The following SEMA3E variants were observed in gnomAD, a reference collection of about 807,000 sequenced individuals.
The protein encoded by SEMA3E is semaphorin-3E.
SEMA3E carries 49 observed loss-of-function variants against 93.6 expected under a neutral mutation model. That is an observed-to-expected ratio of 0.52 (90% CI 0.42 to 0.66). The LOEUF (loss-of-function observed/expected upper bound fraction) is 0.66. SEMA3E is among the 30% of genes least tolerant of loss of function. The pLI is 0.00. For synonymous variants in SEMA3E, 363 were observed against 330.7 expected (o/e 1.10, Z -1.06); for missense variants, 906 against 964.8 (o/e 0.94, Z 0.81).
At position 83,499,260 on chromosome 7, in the gene SEMA3E, C is replaced by T. The variant is rs142191325; in HGVS notation, c.116-8986G>A. On this transcript the variant is annotated intron_variant, in intron 1 of 16. Transcript: ENST00000643230. The stretch of plus-strand genomic sequence containing the variant: ...AAGATAAATTTTAAAGTGGAATTAC[C>T]GGGTCAAAAGCATTTGTAATTTTAA... 2.1e-3 allele frequency among the ~76,000 whole-genome samples: 313 copies of T among 152,144 alleles called. 1 individual carries two copies. The highest frequency in any genetic ancestry group is 6.9e-3 in the African/African-American group (287 of 41,510).
At chr7:83,369,794 A>C (rs1794726880) in intron 16 of SEMA3E, among the ~76,000 whole-genome samples, 1 of 152,104 alleles carries the variant, frequency 6.6e-6, no homozygotes. Flanking sequence ...CTGCTTGTTT[A>C]CTCATGCCTC....
chr7:83,501,399 G>A lies in SEMA3E; in HGVS notation c.116-11125C>T, dbSNP rs79260868. ...GTTATAGAACTAATGTATTCTCTAC[G>A]ATCTGTATTTTTAACTGAAGTCATG... On this transcript the variant is annotated intron_variant, in intron 1 of 16. Coordinates refer to ENST00000643230, the MANE Select transcript of SEMA3E (RefSeq NM_012431.3). Among the ~76,000 whole-genome samples, 672 of 152,172 alleles carry A rather than the reference G, an allele frequency of 4.4e-3. 8 individuals are homozygous for A. Among genetic ancestry groups the A allele is most frequent in the African/African-American group, 0.016 (650 of 41,536 alleles).
chr7:83,431,356 T>C (rs1428121994), intron 4 of SEMA3E, among the ~76,000 whole-genome samples: 1 of 149,144 alleles, frequency 6.7e-6, no homozygotes, highest in Non-Finnish European at 1.5e-5. Context: ...TAGAAAAAAA[T>C]AAATATAAAT....
chr7:83,523,754 C>T (rs1041986373), intron 1 of SEMA3E, among the ~76,000 whole-genome samples: 4 of 152,054 alleles, frequency 2.6e-5, no homozygotes, highest in Non-Finnish European at 2.9e-5. Flanking sequence ...GGTGTCCATA[C>T]ATTGTATCTA....
intron 2 of SEMA3E, among the ~76,000 whole-genome samples, chr7:83,471,845 A>G (rs1247957148): frequency 1.3e-5 from 2 of 152,196 alleles, no homozygotes; most frequent in Non-Finnish European, 2.9e-5. Flanking sequence ...TGAAGGGAGC[A>G]AAAAATCAAA....
chr7:83,565,272 T>A (rs1025599260), intron 1 of SEMA3E, among the ~76,000 whole-genome samples: 4 of 152,102 alleles, frequency 2.6e-5, no homozygotes, highest in Non-Finnish European at 5.9e-5. Flanking sequence ...GAAGCCATCA[T>A]CCTAGCAAAC....
rs527982571 is a variant in SEMA3E at position 83,490,463 on chromosome 7, A to G, written c.116-189T>C. ...ATTTCATAAATTTATGAATCTAAAA[A>G]CTTCAACAATTTAATATGTAAGAAA... On this transcript the variant is annotated intron_variant, in intron 1 of 16. Transcript: ENST00000643230. Among the ~76,000 whole-genome samples, 3 of 152,186 alleles carry G rather than the reference A, an allele frequency of 2.0e-5. No homozygotes were observed. In the South Asian group the frequency reaches 6.2e-4, roughly 32 times the overall value.
intron 14 of SEMA3E, among the ~76,000 whole-genome samples, chr7:83,387,505 G>A (rs1251939644): frequency 6.6e-6 from 1 of 151,928 alleles, no homozygotes; most frequent in Non-Finnish European, 1.5e-5. Flanking sequence ...AATCCAAATA[G>A]TTTGTTCTAT....
At chr7:83,603,874 T>C (rs931208259) in intron 1 of SEMA3E, among the ~76,000 whole-genome samples, 4 of 152,170 alleles carry the variant, frequency 2.6e-5, no homozygotes, top group Admixed American at 6.5e-5. Flanking sequence ...ATACTTTTCA[T>C]TGGACTTGGC....
At chr7:83,391,037 A>G (rs1480329304) in intron 14 of SEMA3E, among the ~76,000 whole-genome samples, 3 of 152,174 alleles carry the variant, frequency 2.0e-5, no homozygotes, top group Non-Finnish European at 4.4e-5. Context: ...TGACAATAAA[A>G]TAATTAATGC....
At chr7:83,603,458 G>A (rs1793040579) in intron 1 of SEMA3E, among the ~76,000 whole-genome samples, 1 of 152,130 alleles carries the variant, frequency 6.6e-6, no homozygotes, top group South Asian at 2.1e-4. Context: ...AGAGGAGGAA[G>A]CTTTGTATTC....
chr7:83,436,486 T>A (rs1299568033), intron 4 of SEMA3E, among the ~76,000 whole-genome samples: 1 of 151,736 alleles, frequency 6.6e-6, no homozygotes, highest in Non-Finnish European at 1.5e-5. Flanking sequence ...TATACATACA[T>A]ATATATACAC....
intron 1 of SEMA3E, among the ~76,000 whole-genome samples, chr7:83,624,117 T>C (rs191527001): frequency 1.6e-3 from 240 of 152,306 alleles, no homozygotes; most frequent in African/African-American, 5.6e-3. Context: ...CTTTATCCAG[T>C]CTCTCCATGA....
chr7:83,548,218 T>A (rs1791688905), intron 1 of SEMA3E, among the ~76,000 whole-genome samples: 1 of 152,098 alleles, frequency 6.6e-6, no homozygotes, highest in Admixed American at 6.6e-5. Context: ...CTTGATCACT[T>A]CTGACACCCA....
rs574216240 is a variant in SEMA3E, at chr7:83,630,723, C to T, written c.115+17705G>A. 5.9e-5 allele frequency among the ~76,000 whole-genome samples: 9 copies of T among 152,198 alleles called. No individual in the cohort carries two copies. In the South Asian group the frequency reaches 1.7e-3, roughly 28 times the overall value. Reference sequence around the variant, plus strand: ...TTTACTCTTCTTAAAATAGTTCTTCCTGTATACTCAAAATTCCAAGACAGT... The same window carrying T: ...TTTACTCTTCTTAAAATAGTTCTTCTTGTATACTCAAAATTCCAAGACAGT... On this transcript the variant is annotated intron_variant, in intron 1 of 16. Coordinates refer to ENST00000643230, the MANE Select transcript of SEMA3E (RefSeq NM_012431.3).
chr7:83,530,753 CT>C (rs1791275011), intron 1 of SEMA3E, among the ~76,000 whole-genome samples: 1 of 151,962 alleles, frequency 6.6e-6, no homozygotes, highest in South Asian at 2.1e-4. Context: ...TGGTGCATGC[CT>C]GTAATCCCAG....
At chr7:83,599,016 G>C (rs775278629) in intron 1 of SEMA3E, among the ~76,000 whole-genome samples, 4 of 152,038 alleles carry the variant, frequency 2.6e-5, no homozygotes, top group Non-Finnish European at 5.9e-5. Flanking sequence ...AGTTAAATTT[G>C]CCTAAATATT....
intron 2 of SEMA3E, among the ~76,000 whole-genome samples, chr7:83,488,367 A>G (rs1790310809): frequency 6.6e-6 from 1 of 152,102 alleles, no homozygotes; most frequent in Admixed American, 6.6e-5. Flanking sequence ...TAAGAGAAAC[A>G]GGAGAAGGTT....
At chr7:83,470,625 ACTATTGTATC>A (rs1488526726) in intron 2 of SEMA3E, among the ~76,000 whole-genome samples, 16 of 152,110 alleles carry the variant, frequency 1.1e-4, no homozygotes, top group African/African-American at 3.9e-4. Context: ...CCAGGAGGCA[ACTATTGTATC>A]CTGTTACCAG....
Sources: gnomAD v4.1 joint callset for allele counts (sites outside exome capture counted in the v4.1 genomes callset) on GRCh38, gnomAD v4.1.1 for gene constraint, MANE v1.5 for transcripts, NCBI Gene and HGNC (gene_info 2026-07-23, HGNC 2026-07-21) for gene names.